The following ADGRD2 variants were observed in gnomAD, a reference collection of about 807,000 sequenced individuals.
The protein encoded by ADGRD2 is adhesion G protein-coupled receptor D2.
In ADGRD2, 71 loss-of-function variants were observed where a neutral mutation model predicts 44.4. The ratio of observed to expected loss-of-function variants is 1.60; its 90% CI spans 1.32 to 1.95. The LOEUF (loss-of-function observed/expected upper bound fraction) is 1.95, where lower values mean the gene tolerates loss of function less well. Among genes scored for constraint, ADGRD2 ranks in the 30% most tolerant of loss-of-function variants. The probability of loss-of-function intolerance (pLI) is 0.00; values close to 1 mark genes in which losing one functional copy is unlikely to be tolerated. For synonymous variants in ADGRD2, 481 were observed against 224.8 expected, an observed-to-expected ratio of 2.14 and a Z score of -10.19; for missense variants, 1,039 against 512.4, an observed-to-expected ratio of 2.03 and a Z score of -9.92.
At chr9:124,460,388 A>ATTT (rs1554718954) in intron 10 of ADGRD2, among the ~76,000 whole-genome samples, 5 of 145,224 alleles carry the variant, frequency 3.4e-5, no homozygotes, top group African/African-American at 1.3e-4. Flanking sequence ...ATATATATAT[A>ATTT]TTTTTTTTTA....
At position 124,453,205 on chromosome 9, in the gene ADGRD2, C is replaced by A. The variant is rs544912865; in HGVS notation, c.454C>A (p.Pro152Thr). The A allele has an allele frequency of 2.1e-5, 14 of 656,030 alleles. No individual in the cohort carries two copies. In the East Asian group the frequency reaches 4.3e-4, roughly 20 times the overall value. 40.6% of individuals were successfully genotyped at this position (656,030 alleles called of 1,614,324 possible). The change falls in exon 3 of 22, where the codon CCC becomes ACC. Residue 152 changes from proline (P) to threonine (T), a missense_variant. Pro to Thr is a conservative substitution (Grantham distance 38). Coordinates refer to ENST00000334810, the Ensembl canonical transcript of ADGRD2. ...CTTCTCCGTTGCCGCGCCCGCGCTG[C>A]CCAACGCGCTGCAGCTGCGCGCCTT...
In ADGRD2 at chr9:124,456,621, G is replaced by GGT. The variant is rs1002536224; in HGVS notation, c.1395_1396dup (p.Ile467Ter). ...AGAGCTGAGATGCAGCGTCCTCCCA[G>GGT]GTGATTGGTGGGCCTATGGCCCTGG... On this transcript the variant is annotated frameshift_variant and splice_region_variant. Transcript: ENST00000334810. LOFTEE classifies it high-confidence loss of function. 2.4e-5 allele frequency: 17 copies of GGT among 718,070 alleles called. No individual in the cohort carries two copies. The highest frequency in any genetic ancestry group is 2.3e-4 in the Middle Eastern group (1 of 4,390). 44.5% of individuals were successfully genotyped at this position (718,070 alleles called of 1,614,324 possible). A position where few individuals can be genotyped will look rare whatever the true frequency, so the allele number is the denominator to read the frequency against.
At chr9:124,467,658 G>GA (rs1831850540) in intron 11 of ADGRD2, 63 bp from the exon 15 acceptor site, 1 of 709,076 alleles carries the variant, frequency 1.4e-6, no homozygotes, top group Non-Finnish European at 2.6e-6. Flanking sequence ...ACCAGGTGGG[G>GA]CGAGTTCTGG....
At position 124,457,485 on chromosome 9, in the gene ADGRD2, G is replaced by T. The variant is rs908739673; in HGVS notation, c.1521G>T (p.Arg507=). The change falls in exon 8 of 22, where the codon CGG becomes CGT. Residue 507 remains arginine (R), a synonymous_variant. Transcript: ENST00000334810. ...ATTTACCCCCAGGCCTGGAGGTGCGGAGCTTACGCTTGAGGGAGGCCAGCA... is the reference window on the plus strand; with the variant it reads ...ATTTACCCCCAGGCCTGGAGGTGCGTAGCTTACGCTTGAGGGAGGCCAGCA... The T allele has an allele frequency of 2.6e-5, 17 of 647,626 alleles. No homozygotes were observed. The Middle Eastern group carries it at 7.4e-4, about 28-fold the overall frequency. The allele number at this position is 647,626 out of a possible 1,614,324, so 40.1% of individuals were successfully genotyped here. A position where few individuals can be genotyped will look rare whatever the true frequency, so the allele number is the denominator to read the frequency against.
chr9:124,468,348 G>A (rs887084492), intron 13 of ADGRD2, among the ~76,000 whole-genome samples, 158 bp downstream of exon 16: 4 of 152,206 alleles, frequency 2.6e-5, no homozygotes, highest in African/African-American at 9.7e-5. Flanking sequence ...GGAGGAAAGG[G>A]CCCTGGGAGG....
chr9:124,452,963 G>A (rs1209372431), intron 2 of ADGRD2, 72 bp from the exon 6 acceptor site: 5 of 606,010 alleles, frequency 8.3e-6, no homozygotes, highest in African/African-American at 5.5e-5. Context: ...CCCCACCGCT[G>A]AGCCAAAGGG....
At chr9:124,455,196 T>C in intron 6 of ADGRD2, 69 bp downstream of exon 9, 3 of 614,300 alleles carry the variant, frequency 4.9e-6, no homozygotes, top group Non-Finnish European at 5.9e-6. Flanking sequence ...CAGCTGGTTG[T>C]GTAGCTGTGG....
At position 124,462,949 on chromosome 9, in the gene ADGRD2, T is replaced by TCTC. The variant is rs1398375430; in HGVS notation, c.1871-3309_1871-3308insCTC. 1.4e-3 allele frequency among the ~76,000 whole-genome samples: 210 copies of TCTC among 150,208 alleles called. 2 individuals carry two copies. Among genetic ancestry groups the TCTC allele is most frequent in the African/African-American group, 4.9e-3 (197 of 40,544 alleles). On this transcript the variant is annotated intron_variant, in intron 10 of 21. Coordinates refer to ENST00000334810, the Ensembl canonical transcript of ADGRD2. ...TCTCTCTCTCTTTCTCTCTCTCTCC[T>TCTC]TCCTTCCTTCATTCCTTCCTTTCTT...
exon 3 of ADGRD2, chr9:124,453,151 G>T: frequency 1.4e-6 from 1 of 701,222 alleles, no homozygotes; most frequent in South Asian, 1.5e-5. Context: ...CGTGCAGTGG[G>T]ACTGTGCCTC....
chr9:124,454,225 A>G lies in ADGRD2; in HGVS notation c.1022+128A>G. ...ATAAACTCAGAGCTTCAAGGTCTCC[A>G]TGGAGTCTAGGCCACAGAGCAGTGG... On this transcript the variant is annotated intron_variant, in intron 4 of 21. Transcript: ENST00000334810. The surrounding 1 kb of genome is among the most constrained non-coding windows in gnomAD (Gnocchi z 4.5). 1.7e-6 allele frequency: 1 copy of G among 598,936 alleles called. No individual in the cohort carries two copies. Among genetic ancestry groups the G allele is most frequent in the South Asian group, 2.0e-5 (1 of 50,178 alleles). 37.1% of individuals were successfully genotyped at this position (598,936 alleles called of 1,614,324 possible). A position where few individuals can be genotyped will look rare whatever the true frequency, so the allele number is the denominator to read the frequency against.
In ADGRD2 at chr9:124,454,649, G is replaced by A. The variant is rs549414595; in HGVS notation, c.1108+80G>A. ...GCACCTCAGTTTCCTCCCTTGTAAA[G>A]GGGACACCCACCTGGTGTGTCTGCA... On this transcript the variant is annotated intron_variant, in intron 5 of 21. Transcript: ENST00000334810. The surrounding 1 kb of genome is among the most constrained non-coding windows in gnomAD (Gnocchi z 4.5). 2 of 681,610 alleles carry A rather than the reference G, an allele frequency of 2.9e-6. No individual in the cohort carries two copies. The highest frequency in any genetic ancestry group is 3.5e-5 in the African/African-American group (2 of 56,894). 42.2% of individuals were successfully genotyped at this position (681,610 alleles called of 1,614,324 possible). A position where few individuals can be genotyped will look rare whatever the true frequency, so the allele number is the denominator to read the frequency against.
chr9:124,469,565 G>C lies in ADGRD2; in HGVS notation c.2637+18G>C, dbSNP rs970146528. On this transcript the variant is annotated intron_variant, in intron 16 of 21. Coordinates refer to ENST00000334810, the Ensembl canonical transcript of ADGRD2. ...CAGATATGGTGAGGCCCCAGAATGG[G>C]GGGCCAGCAGGAAGCAGGAAGTGCA... 2 of 717,054 alleles carry C rather than the reference G, an allele frequency of 2.8e-6. No individual in the cohort carries two copies. Among genetic ancestry groups the C allele is most frequent in the Non-Finnish European group, 5.2e-6 (2 of 384,714 alleles). 44.4% of individuals were successfully genotyped at this position (717,054 alleles called of 1,614,324 possible). A position where few individuals can be genotyped will look rare whatever the true frequency, so the allele number is the denominator to read the frequency against.
In ADGRD2 at chr9:124,468,073, C is replaced by T; in HGVS notation, c.2131-15C>T. 1 of 718,434 alleles carries T rather than the reference C, an allele frequency of 1.4e-6. No homozygotes were observed. The highest frequency in any genetic ancestry group is 1.5e-5 in the South Asian group (1 of 67,606). The allele number at this position is 718,434 out of a possible 1,614,324, so 44.5% of individuals were successfully genotyped here. A position where few individuals can be genotyped will look rare whatever the true frequency, so the allele number is the denominator to read the frequency against. ...CAGTGGTGTTCTTGTTAACTGACTC[C>T]TCTGTCCTCTCCAGGGTCCCCAAGT... On this transcript the variant is annotated splice_polypyrimidine_tract_variant and intron_variant, in intron 12 of 21. Transcript: ENST00000334810.
At chr9:124,470,382 G>A in intron 16 of ADGRD2, 112 bp from the exon 20 acceptor site, 1 of 611,888 alleles carries the variant, frequency 1.6e-6, no homozygotes, top group East Asian at 2.8e-5. Flanking sequence ...CATGGTCCCG[G>A]CCCTCAGCTC....
In ADGRD2 at chr9:124,454,761, C is replaced by A. The variant is rs1249990440; in HGVS notation, c.1109-82C>A. ...GTTTAATGGGTGCCCACCAAGAAGA[C>A]CCTGGCAAAGCCCAAGTGTGGCCCT... On this transcript the variant is annotated intron_variant, in intron 5 of 21. Coordinates refer to ENST00000334810, the Ensembl canonical transcript of ADGRD2. The surrounding 1 kb of genome is among the most constrained non-coding windows in gnomAD (Gnocchi z 4.5). 4.4e-5 allele frequency: 27 copies of A among 616,662 alleles called. No homozygotes were observed. The highest frequency in any genetic ancestry group is 5.6e-5 in the Non-Finnish European group (19 of 340,992). The allele number at this position is 616,662 out of a possible 1,614,324, so 38.2% of individuals were successfully genotyped here. A position where few individuals can be genotyped will look rare whatever the true frequency, so the allele number is the denominator to read the frequency against.
At chr9:124,469,766 C>T (rs896097274) in intron 16 of ADGRD2, among the ~76,000 whole-genome samples, 17 of 152,260 alleles carry the variant, frequency 1.1e-4, no homozygotes, top group Admixed American at 2.0e-4. Context: ...TGCACCCATG[C>T]GTGTCACATG....
chr9:124,477,813 GC>G (rs1162773418), intron 21 of ADGRD2, among the ~76,000 whole-genome samples: 2 of 41,832 alleles, frequency 4.8e-5, no homozygotes, highest in South Asian at 8.2e-4. Context: ...CACCTGCCCC[GC>G]CCCCACCCGC....
intron 10 of ADGRD2, 34 bp downstream of exon 13, chr9:124,458,755 T>C (rs1044812057): frequency 2.8e-6 from 2 of 713,974 alleles, no homozygotes; most frequent in African/African-American, 3.5e-5. Context: ...GCAGCCATCC[T>C]GGCGCACGTG....
chr9:124,458,095 C>A lies in ADGRD2; in HGVS notation c.1641-18C>A, dbSNP rs1420071996. On this transcript the variant is annotated intron_variant, in intron 8 of 21. Coordinates refer to ENST00000334810, the Ensembl canonical transcript of ADGRD2. ...CCAGCCACCGGGTGGTGCCTTGGTG[C>A]CCCTTCCTCTCAGCCAGGCCTCTCT... 5 of 718,246 alleles carry A rather than the reference C, an allele frequency of 7.0e-6. No homozygotes were observed. Among genetic ancestry groups the A allele is most frequent in the South Asian group, 3.0e-5 (2 of 67,572 alleles). The allele number at this position is 718,246 out of a possible 1,614,324, so 44.5% of individuals were successfully genotyped here.
Sources: allele counts gnomAD v4.1 joint callset (sites outside exome capture counted in the v4.1 genomes callset), GRCh38; gene constraint gnomAD v4.1.1; non-coding constraint Gnocchi (gnomAD v3.1); transcripts MANE v1.5; gene names NCBI Gene and HGNC (gene_info 2026-07-23, HGNC 2026-07-21).